Variants in TNNI3K observed in about 807,000 individuals in gnomAD.
TNNI3K encodes the protein serine/threonine-protein kinase TNNI3K.
A neutral mutation model predicts 114.5 loss-of-function variants in TNNI3K; 140 were observed. That is an observed-to-expected ratio of 1.22 (90% CI 1.07 to 1.41). TNNI3K has a LOEUF of 1.41. Among genes scored for constraint, TNNI3K ranks in the 40% most tolerant of loss-of-function variants. TNNI3K has a pLI of 0.00. For missense variants in TNNI3K, 1,125 were observed against 1,007.6 expected (o/e 1.12, Z -1.58); for synonymous variants, 347 against 347.5 (o/e 1.00, Z 0.02).
chr1:74,343,142 A>G lies in TNNI3K; in HGVS notation c.895A>G (p.Thr299Ala). The change falls in exon 9 of 25, where the codon ACT (threonine) becomes GCT (alanine). Residue 299 changes from threonine to alanine, a missense_variant. Transcript: ENST00000326637. The stretch of plus-strand genomic sequence containing the variant: ...CCAAATATCAGGAACAGAAAGTCTG[A>G]CTAAGGAAAACATCTTCAGTGAAAC... ...IIQISGTESL[T>A]KENIFSETAF... 1 of 1,613,122 alleles carries G rather than the reference A, an allele frequency of 6.2e-7. No individual in the cohort carries two copies. The highest frequency in any genetic ancestry group is 8.5e-7 in the Non-Finnish European group (1 of 1,179,648).
intron 23 of TNNI3K, among the ~76,000 whole-genome samples, chr1:74,533,875 G>A (rs1646625807): frequency 6.6e-6 from 1 of 152,084 alleles, no homozygotes; most frequent in South Asian, 2.1e-4. Context: ...GAAGACATGT[G>A]CTATTATTAA....
intron 20 of TNNI3K, among the ~76,000 whole-genome samples, chr1:74,461,612 G>A (rs1057368887): frequency 6.6e-5 from 10 of 152,018 alleles, no homozygotes; most frequent in Non-Finnish European, 8.8e-5. Flanking sequence ...AAAAAAATGA[G>A]TGGCTATATT....
At chr1:74,480,689 C>T (rs41289204) in intron 21 of TNNI3K, 20,891 of 717,292 alleles carry the variant, frequency 0.029, 966 homozygotes, top group East Asian at 0.16. Context: ...CCAAGACCCT[C>T]GTAGGGTGCG....
intron 4 of TNNI3K, among the ~76,000 whole-genome samples, chr1:74,255,817 T>G (rs1473443337): frequency 6.6e-6 from 1 of 152,194 alleles, no homozygotes; most frequent in African/African-American, 2.4e-5. Flanking sequence ...TGGAAACAAG[T>G]GTTTTCTGTC....
intron 4 of TNNI3K, among the ~76,000 whole-genome samples, chr1:74,254,832 A>T (rs1302280812): frequency 6.6e-6 from 1 of 152,184 alleles, no homozygotes; most frequent in East Asian, 1.9e-4. Context: ...ACAGGGTAGG[A>T]TGTTCCTGAA....
intron 5 of TNNI3K, among the ~76,000 whole-genome samples, chr1:74,294,947 CT>C (rs1486090374): frequency 6.6e-6 from 1 of 151,602 alleles, no homozygotes; most frequent in Non-Finnish European, 1.5e-5. Flanking sequence ...TTTTTTCTAA[CT>C]TCTTAAGATG....
intron 17 of TNNI3K, among the ~76,000 whole-genome samples, chr1:74,402,983 TC>T (rs1447131947): frequency 2.6e-5 from 4 of 152,218 alleles, no homozygotes; most frequent in Admixed American, 2.0e-4. Context: ...CCACTCATAT[TC>T]ATAATATGAA....
chr1:74,379,877 G>A (rs1663110172), intron 17 of TNNI3K, among the ~76,000 whole-genome samples: 1 of 151,798 alleles, frequency 6.6e-6, no homozygotes, highest in African/African-American at 2.4e-5. Context: ...TTCCTCCCAG[G>A]GCCAGTTAAA....
chr1:74,474,754 A>G (rs17095399), intron 21 of TNNI3K, among the ~76,000 whole-genome samples: 2,401 of 152,184 alleles, frequency 0.016, 68 homozygotes, highest in African/African-American at 0.055. Context: ...AGTGTGGGAC[A>G]ATGAATTAAG....
intron 5 of TNNI3K, among the ~76,000 whole-genome samples, chr1:74,316,662 T>C (rs970241717): frequency 1.3e-5 from 2 of 151,528 alleles, no homozygotes; most frequent in African/African-American, 4.8e-5. Flanking sequence ...GCTTCCCTCT[T>C]TTATTATTTT....
chr1:74,535,195 C>T (rs1646644865), intron 23 of TNNI3K, among the ~76,000 whole-genome samples: 1 of 152,086 alleles, frequency 6.6e-6, no homozygotes, highest in Non-Finnish European at 1.5e-5. Context: ...TATAAAGAAT[C>T]ATAGAATTCT....
intron 5 of TNNI3K, among the ~76,000 whole-genome samples, chr1:74,297,522 C>CGTGTGTGT (rs10633137): frequency 0.072 from 10,422 of 145,356 alleles, 472 homozygotes; most frequent in South Asian, 0.13. Flanking sequence ...TGTGTGTGTG[C>CGTGTGTGT]GTGTGTGTGT....
chr1:74,407,411 G>C (rs1032927530), intron 17 of TNNI3K, among the ~76,000 whole-genome samples: 2 of 152,158 alleles, frequency 1.3e-5, no homozygotes, highest in Non-Finnish European at 2.9e-5. Context: ...AAATAGTATA[G>C]AAGTTATCAA....
At chr1:74,532,396 G>A (rs908530531) in intron 23 of TNNI3K, among the ~76,000 whole-genome samples, 1 of 152,120 alleles carries the variant, frequency 6.6e-6, no homozygotes, top group Non-Finnish European at 1.5e-5. Context: ...TATCAGCTCT[G>A]TAATTCAATG....
At chr1:74,494,396 T>G (rs1238567001) in intron 23 of TNNI3K, among the ~76,000 whole-genome samples, 1 of 152,334 alleles carries the variant, frequency 6.6e-6, no homozygotes, top group East Asian at 1.9e-4. Flanking sequence ...GTCTTTAATC[T>G]ATAAAATGTC....
At chr1:74,281,282 C>G (rs1308833064) in intron 5 of TNNI3K, among the ~76,000 whole-genome samples, 1 of 151,452 alleles carries the variant, frequency 6.6e-6, no homozygotes, top group Non-Finnish European at 1.5e-5. Context: ...CCTCCCTTGG[C>G]CTCAATTTTC....
chr1:74,464,816 T>G (rs1229761583), intron 21 of TNNI3K: 18 of 1,489,338 alleles, frequency 1.2e-5, no homozygotes, highest in Admixed American at 6.7e-5. Context: ...TACCAAAATG[T>G]TAGCTCCATG....
rs185863957 is a variant in TNNI3K, at chr1:74,371,369, G to A, written c.1772+977G>A. 26 of 151,870 alleles carry A rather than the reference G, an allele frequency of 1.7e-4. No individual in the cohort carries two copies. In the East Asian group the frequency reaches 3.5e-3, roughly 20 times the overall value. 9.4% of individuals were successfully genotyped at this position (151,870 alleles called of 1,614,324 possible). On this transcript the variant is annotated intron_variant, in intron 17 of 24. Coordinates refer to ENST00000326637, the MANE Select transcript of TNNI3K (RefSeq NM_015978.3). ...TCAGGGAGTTTTCACACTCTATGTA[G>A]AGGAGAAAAATATTTACCTAAATGT...
At chr1:74,467,779 G>C (rs1361088954) in intron 21 of TNNI3K, among the ~76,000 whole-genome samples, 3 of 152,092 alleles carry the variant, frequency 2.0e-5, no homozygotes, top group Non-Finnish European at 4.4e-5. Flanking sequence ...GATTACCCTG[G>C]AAAGTTTGTT....
Sources: gnomAD v4.1 joint callset for allele counts (sites outside exome capture counted in the v4.1 genomes callset) on GRCh38, gnomAD v4.1.1 for gene constraint, MANE v1.5 for transcripts, NCBI Gene and HGNC (gene_info 2026-07-23, HGNC 2026-07-21) for gene names.